TTC17: variants seen among roughly 807,000 people sequenced by gnomAD.
The protein encoded by TTC17 is tetratricopeptide repeat protein 17.
Under a neutral mutation model 143.8 loss-of-function variants are expected in TTC17, and 58 were observed. The ratio of observed to expected loss-of-function variants is 0.40; its 90% confidence interval spans 0.33 to 0.50. The LOEUF (loss-of-function observed/expected upper bound fraction) is 0.50, where lower values mean the gene tolerates loss of function less well. TTC17 is among the 20% of genes least tolerant of loss of function. The pLI is 0.49. For synonymous variants in TTC17, 501 were observed against 497.8 expected, an observed-to-expected ratio of 1.01 and a Z score of -0.09; for missense variants, 1,273 against 1,392.5, an observed-to-expected ratio of 0.91 and a Z score of 1.37.
intron 16 of TTC17, among the ~76,000 whole-genome samples, chr11:43,434,168 GACACACACACACACACACACACAC>G (rs55913890): frequency 0.081 from 10,122 of 125,498 alleles, 637 homozygotes; most frequent in Admixed American, 0.22. Flanking sequence ...CATGGGCGGG[GACACACACACACACACACACACAC>G]ACACACACAC....
intron 15 of TTC17, among the ~76,000 whole-genome samples, chr11:43,413,028 A>ACACACACAC: frequency 7.2e-6 from 1 of 138,802 alleles, no homozygotes; most frequent in African/African-American, 2.6e-5. Context: ...ACACACACAC[A>ACACACACAC]AATGGGGGCA....
chr11:43,478,809 A>T (rs375960133), intron 21 of TTC17, among the ~76,000 whole-genome samples: 1 of 152,104 alleles, frequency 6.6e-6, no homozygotes, highest in African/African-American at 2.4e-5. Flanking sequence ...AATTTTTTTC[A>T]TAAAAATGTA....
At chr11:43,465,229 GC>G (rs1430940449) in intron 21 of TTC17, among the ~76,000 whole-genome samples, 1 of 152,156 alleles carries the variant, frequency 6.6e-6, no homozygotes, top group Non-Finnish European at 1.5e-5. Context: ...TTGTCTACTT[GC>G]CAAGCTAAAG....
intron 2 of TTC17, among the ~76,000 whole-genome samples, chr11:43,386,725 A>T (rs1269757429): frequency 6.6e-6 from 1 of 152,254 alleles, no homozygotes; most frequent in Non-Finnish European, 1.5e-5. Flanking sequence ...GGATGAGTTT[A>T]TAGAATTACT....
At chr11:43,383,229 T>TGG (rs1266939302) in intron 2 of TTC17, among the ~76,000 whole-genome samples, 1 of 150,936 alleles carries the variant, frequency 6.6e-6, no homozygotes, top group Non-Finnish European at 1.5e-5. Flanking sequence ...TACAAGGGAG[T>TGG]GGGGGAGAGA....
intron 1 of TTC17, among the ~76,000 whole-genome samples, chr11:43,359,867 C>A (rs11037421): frequency 0.094 from 14,254 of 152,256 alleles, 906 homozygotes; most frequent in Non-Finnish European, 0.14. Context: ...TGAACTAATT[C>A]CTCAGAGGCG....
intron 18 of TTC17, chr11:43,446,831 C>T (rs1947552495): frequency 8.1e-6 from 2 of 247,712 alleles, no homozygotes; most frequent in African/African-American, 4.6e-5. Context: ...GGCCCACACC[C>T]AAAAGGTGGT....
rs951087814 is a variant in TTC17 at position 43,441,513 on chromosome 11, A to AT, written c.2252-1803dup. Among the ~76,000 whole-genome samples the AT allele has an allele frequency of 5.8e-4, 87 of 150,820 alleles. No homozygotes were observed. The East Asian group carries it at 0.014, about 24-fold the overall frequency. The stretch of plus-strand genomic sequence containing the variant: ...CATTTCTTAAGGTTAGAAACTTTCC[A>AT]TTTTTTTTTGTTCCCACCTACAGCT... On this transcript the variant is annotated intron_variant, in intron 16 of 23. Transcript: ENST00000039989.
intron 16 of TTC17, among the ~76,000 whole-genome samples, chr11:43,415,543 A>G (rs1385025284): frequency 1.3e-5 from 2 of 152,184 alleles, no homozygotes; most frequent in Non-Finnish European, 2.9e-5. Flanking sequence ...CTTTATTAAT[A>G]TTCAAATTAG....
At chr11:43,380,526 A>AT (rs1372979549) in intron 2 of TTC17, among the ~76,000 whole-genome samples, 2 of 151,962 alleles carry the variant, frequency 1.3e-5, no homozygotes, top group African/African-American at 2.4e-5. Context: ...AAGTGCTGGG[A>AT]TTACAGGCAT....
Position 43,391,937 on chromosome 11 carries a change from T to C in TTC17, c.648T>C (p.His216=), listed in dbSNP as rs1857406356. ...TAGATGACATAGGTCACCTCATTCATGAAGGCCTACAGAAGGTAAGTCATC... is the reference window on the plus strand; with the variant it reads ...TAGATGACATAGGTCACCTCATTCACGAAGGCCTACAGAAGGTAAGTCATC... ...RSIDDIGHLI[H]EGLQKNTSSW... The change falls in exon 5 of 24, where the codon CAT becomes CAC. Residue 216 remains histidine (H), a synonymous_variant. Transcript: ENST00000039989. 2 of 1,610,056 alleles carry C rather than the reference T, an allele frequency of 1.2e-6. No individual in the cohort carries two copies. Among genetic ancestry groups the C allele is most frequent in the Non-Finnish European group, 8.5e-7 (1 of 1,178,848 alleles).
intron 16 of TTC17, among the ~76,000 whole-genome samples, chr11:43,434,481 C>G (rs925960003): frequency 1.3e-5 from 2 of 152,160 alleles, no homozygotes; most frequent in African/African-American, 4.8e-5. Context: ...TTACTTTTGA[C>G]TTTAGGCAAG....
intron 9 of TTC17, 121 bp downstream of exon 9, chr11:43,400,169 T>A (rs1720780003): frequency 8.9e-7 from 1 of 1,122,124 alleles, no homozygotes; most frequent in Admixed American, 2.7e-5. Flanking sequence ...CTTCCCTACA[T>A]CTCGAAAGCA....
intron 16 of TTC17, chr11:43,436,255 C>G (rs900739919): frequency 1.2e-5 from 18 of 1,465,952 alleles, no homozygotes; most frequent in Non-Finnish European, 1.5e-5. Context: ...AAGAAGAGCC[C>G]TCTGAGAGAG....
Position 43,407,526 on chromosome 11 carries a change from T to C in TTC17, c.2013T>C (p.His671=). The C allele has an allele frequency of 6.2e-7, 1 of 1,614,000 alleles. No homozygotes were observed. Among genetic ancestry groups the C allele is most frequent in the Non-Finnish European group, 8.5e-7 (1 of 1,179,950 alleles). ...ACCTTTTGATTCATTACGGCCTTCA[T>C]CTTGATGCCACTAAGCTGCTACTTC... ...LANLLIHYGL[H]LDATKLLLQA... Residue 671 remains histidine (H), a synonymous_variant, in exon 15 of 24, where the codon CAT becomes CAC. Coordinates refer to ENST00000039989, the MANE Select transcript of TTC17 (RefSeq NM_018259.6).
intron 16 of TTC17, among the ~76,000 whole-genome samples, chr11:43,441,776 A>G (rs566375061): frequency 9.2e-5 from 14 of 152,160 alleles, no homozygotes; most frequent in Non-Finnish European, 1.5e-4. Flanking sequence ...CTTCATTTGA[A>G]TATCAGTTTC....
intron 16 of TTC17, among the ~76,000 whole-genome samples, chr11:43,430,440 A>G (rs1421447186): frequency 6.6e-6 from 1 of 152,132 alleles, no homozygotes; most frequent in Admixed American, 6.5e-5. Context: ...CAAACAAAAA[A>G]AACTAGAGGG....
At chr11:43,411,419 C>T (rs554983402) in intron 15 of TTC17, among the ~76,000 whole-genome samples, 2 of 152,046 alleles carry the variant, frequency 1.3e-5, no homozygotes, top group South Asian at 2.1e-4. Flanking sequence ...TTAAATGGTG[C>T]ACTCCCCCCG....
chr11:43,479,403 T>C (rs753936838), intron 21 of TTC17, among the ~76,000 whole-genome samples: 6 of 152,196 alleles, frequency 3.9e-5, no homozygotes, highest in Non-Finnish European at 7.3e-5. Context: ...ATAAATTGTG[T>C]AAGTCAGATA....
Sources: allele counts gnomAD v4.1 joint callset (sites outside exome capture counted in the v4.1 genomes callset), GRCh38; gene constraint gnomAD v4.1.1; transcripts MANE v1.5; gene names NCBI Gene and HGNC (gene_info 2026-07-23, HGNC 2026-07-21).